The following RBFOX1 variants were observed in gnomAD, a reference collection of about 807,000 sequenced individuals.
RBFOX1 encodes RNA binding fox-1 homolog 1.
A neutral mutation model predicts 57.7 loss-of-function variants in RBFOX1; 8 were observed. That is an observed-to-expected ratio of 0.14 (90% CI 0.08 to 0.25). The LOEUF (loss-of-function observed/expected upper bound fraction) is 0.25, where lower values mean the gene tolerates loss of function less well. Among genes scored for constraint, RBFOX1 ranks in the 10% least tolerant of loss-of-function variants. The pLI is 1.00. For synonymous variants in RBFOX1, 326 were observed against 222.4 expected, an observed-to-expected ratio of 1.47 and a Z score of -4.15; for missense variants, 611 against 548.5, an observed-to-expected ratio of 1.11 and a Z score of -1.14.
chr16:6,969,101 G>C (rs2084942027), intron 3 of RBFOX1, among the ~76,000 whole-genome samples: 1 of 152,086 alleles, frequency 6.6e-6, no homozygotes, highest in Non-Finnish European at 1.5e-5. Context: ...TTCTCCTAAT[G>C]CATTGGTTAA....
intron 5 of RBFOX1, among the ~76,000 whole-genome samples, chr16:7,532,147 C>CT (rs397854748): frequency 1.5e-3 from 34 of 22,136 alleles, no homozygotes; most frequent in Non-Finnish European, 8.0e-3. Context: ...TTTTTTTTTT[C>CT]ACTAAGAAAA....
At chr16:6,799,775 C>T (rs779025981) in intron 3 of RBFOX1, among the ~76,000 whole-genome samples, 1 of 152,002 alleles carries the variant, frequency 6.6e-6, no homozygotes, top group African/African-American at 2.4e-5. Flanking sequence ...GCCTTTGGAC[C>T]GCTGGACTTA....
At chr16:7,122,804 C>T (rs145253290) in intron 4 of RBFOX1, among the ~76,000 whole-genome samples, 25 of 152,228 alleles carry the variant, frequency 1.6e-4, no homozygotes, top group African/African-American at 5.8e-4. Flanking sequence ...TAGAAACAAG[C>T]CATATGTCTT....
chr16:6,980,164 C>A (rs11866099), intron 3 of RBFOX1, among the ~76,000 whole-genome samples: 4,023 of 152,164 alleles, frequency 0.026, 176 homozygotes, highest in African/African-American at 0.092. Context: ...ATTAAGCCTC[C>A]GCAGTTAGGA....
intron 4 of RBFOX1, among the ~76,000 whole-genome samples, chr16:7,218,647 T>TGCGTGTGTGTGTGTGTGG (rs58736436): frequency 6.7e-6 from 1 of 148,810 alleles, no homozygotes; most frequent in African/African-American, 2.5e-5. Context: ...TGTGTGTGTG[T>TGCGTGTGTGTGTGTGTGG]GTGTGTGTGT....
intron 2 of RBFOX1, among the ~76,000 whole-genome samples, chr16:6,340,105 G>C (rs1467762427): frequency 6.6e-6 from 1 of 152,184 alleles, no homozygotes; most frequent in Non-Finnish European, 1.5e-5. Flanking sequence ...ACAAAGTGCA[G>C]CCTGATTAAT....
At chr16:6,744,729 T>C (rs945707118) in intron 3 of RBFOX1, among the ~76,000 whole-genome samples, 61 of 152,058 alleles carry the variant, frequency 4.0e-4, no homozygotes, top group African/African-American at 1.4e-3. Flanking sequence ...TAAATACCCA[T>C]ATTAGGATAG....
chr16:6,477,423 C>G (rs1251059323), intron 2 of RBFOX1, among the ~76,000 whole-genome samples: 1 of 152,168 alleles, frequency 6.6e-6, no homozygotes, highest in Non-Finnish European at 1.5e-5. Flanking sequence ...TTGTGCTTCT[C>G]CATCAGAGCT....
chr16:6,930,957 A>AC (rs1012054144), intron 3 of RBFOX1, among the ~76,000 whole-genome samples: 1 of 149,818 alleles, frequency 6.7e-6, no homozygotes, highest in Non-Finnish European at 1.5e-5. Flanking sequence ...ATAGTATCCC[A>AC]CCCCCCTACA....
chr16:6,887,785 C>G (rs531044197), intron 3 of RBFOX1, among the ~76,000 whole-genome samples: 1 of 151,974 alleles, frequency 6.6e-6, no homozygotes, highest in Non-Finnish European at 1.5e-5. Context: ...GCCTCAGCCT[C>G]CTGAGTAGCT....
intron 11 of RBFOX1, among the ~76,000 whole-genome samples, chr16:7,643,272 C>G (rs8054765): frequency 0.31 from 46,937 of 152,054 alleles, 8,665 homozygotes; most frequent in African/African-American, 0.52. Context: ...GAACACCAGA[C>G]TCGTTGCTCA....
rs567305000 is a variant in RBFOX1, at chr16:6,862,994, AAAGG to A, written c.-15-189059_-15-189056del. On this transcript the variant is annotated intron_variant, in intron 3 of 15. Coordinates refer to ENST00000550418, the MANE Select transcript of RBFOX1 (RefSeq NM_018723.4). ...AGGGAGACTCTGTCTAAAAAAAAAAAAAGGAAGACAGGCCGCAGCTGATTTTTGA... is the reference window on the plus strand; with the variant it reads ...AGGGAGACTCTGTCTAAAAAAAAAAAAAGACAGGCCGCAGCTGATTTTTGA... 5.3e-3 allele frequency among the ~76,000 whole-genome samples: 811 copies of A among 152,012 alleles called. 13 individuals carry two copies. The highest frequency in any genetic ancestry group is 0.019 in the African/African-American group (775 of 41,476).
At chr16:6,467,877 T>C (rs2095085873) in intron 2 of RBFOX1, among the ~76,000 whole-genome samples, 1 of 152,238 alleles carries the variant, frequency 6.6e-6, no homozygotes, top group African/African-American at 2.4e-5. Context: ...CTGAGTTTGA[T>C]AATGCAATCT....
At chr16:6,053,269 G>T (rs1255908448) in intron 1 of RBFOX1, among the ~76,000 whole-genome samples, 2 of 152,154 alleles carry the variant, frequency 1.3e-5, no homozygotes, top group Non-Finnish European at 2.9e-5. Flanking sequence ...GAATAATATT[G>T]TCTGGTACCA....
intron 3 of RBFOX1, among the ~76,000 whole-genome samples, chr16:5,853,189 T>G (rs7204977): frequency 0.38 from 57,582 of 151,558 alleles, 11,239 homozygotes; most frequent in African/African-American, 0.45. Context: ...TGGGGTGAAG[T>G]TTGGAGCCTC....
chr16:6,086,393 G>C (rs913151740), intron 1 of RBFOX1, among the ~76,000 whole-genome samples: 2 of 152,178 alleles, frequency 1.3e-5, no homozygotes, highest in African/African-American at 4.8e-5. Flanking sequence ...ACTCTGTATA[G>C]TGTTTAATCC....
At chr16:7,153,961 G>C (rs10445041) in intron 4 of RBFOX1, among the ~76,000 whole-genome samples, 23,182 of 152,074 alleles carry the variant, frequency 0.15, 1,861 homozygotes, top group East Asian at 0.25. Context: ...TGGAGATAAA[G>C]AGAAAAAGCA....
chr16:6,565,722 C>G (rs1478840844), intron 2 of RBFOX1, among the ~76,000 whole-genome samples: 2 of 152,220 alleles, frequency 1.3e-5, no homozygotes, highest in Admixed American at 1.3e-4. Flanking sequence ...CCCGCTTTGG[C>G]TTTCCAAAGT....
chr16:5,418,595 T>C (rs1020651128), intron 1 of RBFOX1, among the ~76,000 whole-genome samples: 1 of 152,106 alleles, frequency 6.6e-6, no homozygotes, highest in Non-Finnish European at 1.5e-5. Flanking sequence ...AACCAGTTTA[T>C]GGATTTATAG....
Sources: allele counts gnomAD v4.1 joint callset (sites outside exome capture counted in the v4.1 genomes callset), GRCh38; gene constraint gnomAD v4.1.1; transcripts MANE v1.5; gene names NCBI Gene and HGNC (gene_info 2026-07-23, HGNC 2026-07-21).